Variants in HERC6 observed in about 807,000 individuals in gnomAD.
The protein encoded by HERC6 is HECT and RLD domain containing E3 ubiquitin protein ligase family member 6.
A neutral mutation model predicts 114.5 loss-of-function variants in HERC6; 101 were observed. That is an observed-to-expected ratio of 0.88 (90% CI 0.75 to 1.04). The LOEUF (loss-of-function observed/expected upper bound fraction) is 1.04. Ranked by LOEUF, HERC6 falls within the 50% of genes least tolerant of loss-of-function variation. The pLI is 0.00. For synonymous variants in HERC6, 408 were observed against 436.2 expected (o/e 0.94, Z 0.81); for missense variants, 1,133 against 1,230.9 (o/e 0.92, Z 1.19).
chr4:88,439,792 A>G (rs1739143887), intron 20 of HERC6, 82 bp from the exon 21 acceptor site: 1 of 1,276,630 alleles, frequency 7.8e-7, no homozygotes, highest in African/African-American at 1.5e-5. Context: ...TAGAAATAGT[A>G]AAAAGAACAA....
At chr4:88,401,551 C>G (rs1304452266) in intron 8 of HERC6, among the ~76,000 whole-genome samples, 2 of 151,022 alleles carry the variant, frequency 1.3e-5, no homozygotes, top group Admixed American at 1.3e-4. Flanking sequence ...GAAGCAATGT[C>G]TGAGATTAGG....
intron 13 of HERC6, among the ~76,000 whole-genome samples, chr4:88,418,926 C>T (rs941128477): frequency 2.6e-5 from 4 of 152,108 alleles, no homozygotes; most frequent in Admixed American, 2.0e-4. Flanking sequence ...GGGGTTTCAC[C>T]ATGTTGGCCA....
chr4:88,402,192 A>G (rs1735581082), intron 8 of HERC6, among the ~76,000 whole-genome samples: 1 of 151,318 alleles, frequency 6.6e-6, no homozygotes, highest in Admixed American at 6.6e-5. Flanking sequence ...TGATGGTCAG[A>G]GAAGAGAACA....
At chr4:88,426,790 A>G (rs185169260) in intron 15 of HERC6, among the ~76,000 whole-genome samples, 1 of 152,364 alleles carries the variant, frequency 6.6e-6, no homozygotes, top group East Asian at 1.9e-4. Flanking sequence ...TACTATTATT[A>G]GTGCCTATTA....
At chr4:88,382,625 TTGG>T (rs1473108430) in intron 1 of HERC6, among the ~76,000 whole-genome samples, 3 of 152,136 alleles carry the variant, frequency 2.0e-5, no homozygotes, top group Non-Finnish European at 4.4e-5. Context: ...AAAGATAGAC[TTGG>T]GTAATTGAAT....
intron 13 of HERC6, 142 bp downstream of exon 13, chr4:88,417,721 T>C (rs1003694961): frequency 4.6e-6 from 3 of 655,126 alleles, no homozygotes; most frequent in Admixed American, 3.7e-5. Flanking sequence ...AAGGGAAATG[T>C]TTGGCATAAA....
At chr4:88,427,957 A>G (rs1443355866) in intron 15 of HERC6, among the ~76,000 whole-genome samples, 1 of 152,266 alleles carries the variant, frequency 6.6e-6, no homozygotes, top group Non-Finnish European at 1.5e-5. Flanking sequence ...AGAATTCAGA[A>G]AAGCTAAAGA....
At position 88,380,183 on chromosome 4, in the gene HERC6, AAT is replaced by A. The variant is rs1162242327; in HGVS notation, c.199+1073_199+1074del. Among the ~76,000 whole-genome samples, 20 of 5,238 alleles carry A rather than the reference AAT, an allele frequency of 3.8e-3. 2 individuals are homozygous for A. Among genetic ancestry groups the A allele is most frequent in the African/African-American group, 4.9e-3 (5 of 1,028 alleles). The allele number at this position is 5,238 out of a possible 152,430, so 3.4% of individuals were successfully genotyped here. ...TATATAAATATATATATAATATATA[AAT>A]ATATATATAATATAAATATATATAT... On this transcript the variant is annotated intron_variant, in intron 1 of 22. Transcript: ENST00000264346.
chr4:88,428,648 A>G lies in HERC6; in HGVS notation c.2004A>G (p.Pro668=). ...TGCAAAAAAAGGATGAATTTCCTCCATCACCCAGATTTATACTTAGAGTCA... is the reference window on the plus strand; with the variant it reads ...TGCAAAAAAAGGATGAATTTCCTCCGTCACCCAGATTTATACTTAGAGTCA... ...TILQKKDEFP[P]SPRFILRVRR... The change falls in exon 16 of 23, where the codon CCA becomes CCG. Residue 668 remains proline (P), a synonymous_variant. Coordinates refer to ENST00000264346, the MANE Select transcript of HERC6 (RefSeq NM_017912.4). 1.2e-6 allele frequency: 2 copies of G among 1,608,414 alleles called. No homozygotes were observed. Among genetic ancestry groups the G allele is most frequent in the Non-Finnish European group, 1.7e-6 (2 of 1,177,406 alleles).
chr4:88,423,781 C>A, intron 13 of HERC6, 79 bp from the exon 14 acceptor site: 1 of 567,458 alleles, frequency 1.8e-6, no homozygotes, highest in South Asian at 3.2e-5. Flanking sequence ...GTATAACAGC[C>A]ATACATATAT....
At position 88,428,666 on chromosome 4, in the gene HERC6, TAG is replaced by T; in HGVS notation, c.2025_2026del (p.Arg675SerfsTer8). Reference protein sequence around the residue: ...EFPPSPRFILRVRRSRLVKDA... With the variant: ...EFPPSPRFILXVRRSRLVKDA... ...TTCCTCCATCACCCAGATTTATACTTAGAGTCAGACGAAGTCGCCTGGTTAAA... is the reference window on the plus strand; with the variant it reads ...TTCCTCCATCACCCAGATTTATACTTAGTCAGACGAAGTCGCCTGGTTAAA... On this transcript the variant is annotated frameshift_variant, in exon 16 of 23. Coordinates refer to ENST00000264346, the MANE Select transcript of HERC6 (RefSeq NM_017912.4). LOFTEE classifies it high-confidence loss of function. 6.2e-7 allele frequency: 1 copy of T among 1,606,950 alleles called. No individual in the cohort carries two copies. Among genetic ancestry groups the T allele is most frequent in the Non-Finnish European group, 8.5e-7 (1 of 1,176,758 alleles).
intron 13 of HERC6, among the ~76,000 whole-genome samples, chr4:88,419,243 C>G (rs1264089775): frequency 6.6e-6 from 1 of 152,184 alleles, no homozygotes; most frequent in South Asian, 2.1e-4. Flanking sequence ...TCCACGTTCT[C>G]TATGGCTGTG....
Position 88,409,601 on chromosome 4 carries a change from G to T in HERC6, c.1368+984G>T, listed in dbSNP as rs568985430. On this transcript the variant is annotated intron_variant, in intron 11 of 22. Coordinates refer to ENST00000264346, the MANE Select transcript of HERC6 (RefSeq NM_017912.4). ...TAGCATGATATAGGAAAAGAGCATT[G>T]GTTTGGGAAGCAGGATAACCTTATC... Among the ~76,000 whole-genome samples, 102 of 152,260 alleles carry T rather than the reference G, an allele frequency of 6.7e-4. 1 individual carries two copies. The highest frequency in any genetic ancestry group is 1.3e-3 in the Non-Finnish European group (87 of 68,024).
chr4:88,429,934 G>C (rs1356734266), intron 16 of HERC6, among the ~76,000 whole-genome samples: 1 of 152,152 alleles, frequency 6.6e-6, no homozygotes, highest in Non-Finnish European at 1.5e-5. Flanking sequence ...CTCTGAACAA[G>C]GGCAAGGTTG....
At chr4:88,428,021 G>A (rs1737801971) in intron 15 of HERC6, among the ~76,000 whole-genome samples, 1 of 152,212 alleles carries the variant, frequency 6.6e-6, no homozygotes, top group Non-Finnish European at 1.5e-5. Context: ...AGTGTGACCA[G>A]GAGTAATGTT....
chr4:88,426,512 C>T (rs1266907535), intron 15 of HERC6, among the ~76,000 whole-genome samples: 1 of 146,170 alleles, frequency 6.8e-6, no homozygotes, highest in African/African-American at 2.5e-5. Context: ...CAGAGTCTAG[C>T]TCTGTTGCCC....
intron 1 of HERC6, among the ~76,000 whole-genome samples, chr4:88,379,513 A>C (rs2110217996): frequency 6.6e-6 from 1 of 151,006 alleles, no homozygotes; most frequent in Middle Eastern, 3.4e-3. Context: ...TGCCTTGCAG[A>C]TAAATCCTCG....
intron 11 of HERC6, among the ~76,000 whole-genome samples, chr4:88,411,280 T>C (rs1736087647): frequency 2.0e-5 from 3 of 151,966 alleles, no homozygotes; most frequent in African/African-American, 7.3e-5. Context: ...TAAAAAAGGG[T>C]TCTTAATGAG....
intron 8 of HERC6, among the ~76,000 whole-genome samples, chr4:88,404,351 C>G (rs2148891412): frequency 6.6e-6 from 1 of 152,104 alleles, no homozygotes; most frequent in South Asian, 2.1e-4. Flanking sequence ...CCATGCCCGG[C>G]TAATTTTTTG....
Sources: allele counts gnomAD v4.1 joint callset (sites outside exome capture counted in the v4.1 genomes callset), GRCh38; gene constraint gnomAD v4.1.1; transcripts MANE v1.5; gene names NCBI Gene and HGNC (gene_info 2026-07-23, HGNC 2026-07-21).